SKAP2: variants seen among roughly 807,000 people sequenced by gnomAD.
SKAP2 encodes src kinase associated phosphoprotein 2.
Under a neutral mutation model 54.9 loss-of-function variants are expected in SKAP2, and 28 were observed. The ratio of observed to expected loss-of-function variants is 0.51; its 90% CI spans 0.38 to 0.70. SKAP2 has a LOEUF of 0.70. Ranked by LOEUF, SKAP2 falls within the 30% of genes least tolerant of loss-of-function variation. SKAP2 has a pLI of 0.00. For synonymous variants in SKAP2, 137 were observed against 134.3 expected (o/e 1.02, Z -0.14); for missense variants, 356 against 424.1 (o/e 0.84, Z 1.41).
At chr7:26,843,985 T>C in intron 4 of SKAP2, 45 bp downstream of exon 4, 1 of 1,175,914 alleles carries the variant, frequency 8.5e-7, no homozygotes, top group Non-Finnish European at 1.3e-6. Flanking sequence ...ATATATAGCA[T>C]TGTTTTGTGT....
intron 9 of SKAP2, among the ~76,000 whole-genome samples, chr7:26,708,942 C>A (rs1032893389): frequency 2.0e-5 from 3 of 152,084 alleles, no homozygotes; most frequent in Non-Finnish European, 4.4e-5. Flanking sequence ...TTTCTCATTT[C>A]ATGTTTCATT....
rs199741754 is a variant in SKAP2 at position 26,801,285 on chromosome 7, G to C, written c.307+42745C>G. On this transcript the variant is annotated intron_variant, in intron 4 of 12. Transcript: ENST00000345317. ...TGATCATTTCAACTGATGCTGAAAA[G>C]GCATTTGATAAAATTCAACATCCCT... 1.4e-4 allele frequency among the ~76,000 whole-genome samples: 22 copies of C among 152,112 alleles called. No homozygotes were observed. In the East Asian group the frequency reaches 4.2e-3, roughly 29 times the overall value.
chr7:26,738,231 G>A (rs554102744), intron 6 of SKAP2, among the ~76,000 whole-genome samples: 24 of 152,178 alleles, frequency 1.6e-4, no homozygotes, highest in Non-Finnish European at 2.9e-4. Context: ...CAAATTAATG[G>A]TGCTAATAAT....
intron 9 of SKAP2, among the ~76,000 whole-genome samples, chr7:26,722,726 C>T (rs1787605158): frequency 6.6e-6 from 1 of 152,102 alleles, no homozygotes; most frequent in South Asian, 2.1e-4. Flanking sequence ...ATTTTTAAAA[C>T]CACGTTTTCT....
chr7:26,750,648 T>C (rs747487292), intron 4 of SKAP2, among the ~76,000 whole-genome samples: 15 of 152,278 alleles, frequency 9.9e-5, no homozygotes, highest in Non-Finnish European at 1.6e-4. Flanking sequence ...TGTTGTTTCA[T>C]CTGTAAGATT....
At chr7:26,697,743 T>C (rs1786926946) in intron 9 of SKAP2, among the ~76,000 whole-genome samples, 1 of 151,834 alleles carries the variant, frequency 6.6e-6, no homozygotes, top group African/African-American at 2.4e-5. Flanking sequence ...ATAAGCAAAA[T>C]AAATAAATAA....
At chr7:26,862,891 A>G (rs779983990) in intron 1 of SKAP2, among the ~76,000 whole-genome samples, 3 of 152,128 alleles carry the variant, frequency 2.0e-5, no homozygotes, top group Admixed American at 2.0e-4. Context: ...TTTTTGGAAT[A>G]ATGATAAACA....
intron 9 of SKAP2, among the ~76,000 whole-genome samples, chr7:26,713,607 T>G (rs952586230): frequency 6.6e-6 from 1 of 151,916 alleles, no homozygotes; most frequent in Non-Finnish European, 1.5e-5. Flanking sequence ...TTTTGTTTTT[T>G]TTTTTGTTTT....
At chr7:26,844,800 T>C (rs1784891002) in intron 3 of SKAP2, among the ~76,000 whole-genome samples, 1 of 152,150 alleles carries the variant, frequency 6.6e-6, no homozygotes, top group African/African-American at 2.4e-5. Flanking sequence ...ACACTTTCAG[T>C]TTCATTCAAT....
At chr7:26,829,816 G>C (rs1784564555) in intron 4 of SKAP2, among the ~76,000 whole-genome samples, 1 of 152,138 alleles carries the variant, frequency 6.6e-6, no homozygotes, top group Non-Finnish European at 1.5e-5. Flanking sequence ...ACATAAAATG[G>C]TGCAGTCATT....
At chr7:26,858,202 G>C (rs1322580957) in intron 1 of SKAP2, 1 of 151,572 alleles carries the variant, frequency 6.6e-6, no homozygotes, top group Non-Finnish European at 1.5e-5. Flanking sequence ...TCCTGCCTCC[G>C]GGCCGGCAGC....
In SKAP2 at chr7:26,794,798, G is replaced by A. The variant is rs369970411; in HGVS notation, c.307+49232C>T. 3.1e-4 allele frequency among the ~76,000 whole-genome samples: 47 copies of A among 151,644 alleles called. No individual in the cohort carries two copies. In the South Asian group the frequency reaches 3.4e-3, roughly 11 times the overall value. The stretch of plus-strand genomic sequence containing the variant: ...GGAAGTTGGATATCTTGTACAGCCC[G>A]CAGCACTGGACTGTAGGAAGGTGGA... On this transcript the variant is annotated intron_variant, in intron 4 of 12. Coordinates refer to ENST00000345317, the MANE Select transcript of SKAP2 (RefSeq NM_003930.5).
At chr7:26,712,272 G>C (rs1787327631) in intron 9 of SKAP2, among the ~76,000 whole-genome samples, 1 of 152,032 alleles carries the variant, frequency 6.6e-6, no homozygotes, top group Non-Finnish European at 1.5e-5. Flanking sequence ...TTCAGATTTT[G>C]GAACATTTCA....
intron 4 of SKAP2, among the ~76,000 whole-genome samples, chr7:26,807,485 A>C (rs1784054891): frequency 6.6e-6 from 1 of 152,110 alleles, no homozygotes; most frequent in Non-Finnish European, 1.5e-5. Flanking sequence ...GTGTCTCTTT[A>C]ACTTTCTGCC....
rs771575048 is a variant in SKAP2, at chr7:26,684,765, G to A, written c.958C>T (p.Arg320Cys). ...CTAAGAATGTAAATCACATCACCAC[G>A]CTTAAATGACAACTCATCAGAAAAA... The part of the protein sequence containing the change: ...GAFSDELSFK[R>C]GDVIYILSKE... Residue 320 changes from arginine (R) to cysteine (C), a missense_variant, in exon 11 of 13, where the codon CGT (arginine) becomes TGT (cysteine). Coordinates refer to ENST00000345317, the MANE Select transcript of SKAP2 (RefSeq NM_003930.5). 1.9e-6 allele frequency: 3 copies of A among 1,611,194 alleles called. No individual in the cohort carries two copies. The highest frequency in any genetic ancestry group is 2.5e-6 in the Non-Finnish European group (3 of 1,177,786).
At chr7:26,788,918 C>T (rs1418489422) in intron 4 of SKAP2, among the ~76,000 whole-genome samples, 2 of 152,054 alleles carry the variant, frequency 1.3e-5, no homozygotes, top group East Asian at 1.9e-4. Context: ...TAATTATAAA[C>T]AGAATGTAAA....
chr7:26,771,835 G>A (rs1389531073), intron 4 of SKAP2, among the ~76,000 whole-genome samples: 1 of 152,176 alleles, frequency 6.6e-6, no homozygotes, highest in Admixed American at 6.5e-5. Context: ...CTTTGAATAT[G>A]TAGCTAAAAG....
intron 9 of SKAP2, among the ~76,000 whole-genome samples, chr7:26,704,986 A>G (rs541341709): frequency 1.3e-5 from 2 of 152,284 alleles, no homozygotes; most frequent in African/African-American, 2.4e-5. Context: ...TTTAATGTAC[A>G]TGGCAGGCAA....
In SKAP2 at chr7:26,669,353, A is replaced by T. The variant is rs1231639843; in HGVS notation, c.*313T>A. 1 of 152,218 alleles carries T rather than the reference A, an allele frequency of 6.6e-6. No individual in the cohort carries two copies. Among genetic ancestry groups the T allele is most frequent in the Non-Finnish European group, 1.5e-5 (1 of 68,028 alleles). The allele number at this position is 152,218 out of a possible 1,614,324, so 9.4% of individuals were successfully genotyped here. A position where few individuals can be genotyped will look rare whatever the true frequency, so the allele number is the denominator to read the frequency against. ...CAATAGTAGCATACTATGCTATAGT[A>T]GACTATATGTTACGTATAAAATAGT... On this transcript the variant is annotated 3_prime_UTR_variant, in exon 13 of 13. Coordinates refer to ENST00000345317, the MANE Select transcript of SKAP2 (RefSeq NM_003930.5).
Sources: gnomAD v4.1 joint callset for allele counts (sites outside exome capture counted in the v4.1 genomes callset) on GRCh38, gnomAD v4.1.1 for gene constraint, MANE v1.5 for transcripts, NCBI Gene and HGNC (gene_info 2026-07-23, HGNC 2026-07-21) for gene names.